The following KAZN variants were observed in gnomAD, a reference collection of about 807,000 sequenced individuals.
KAZN encodes kazrin, periplakin interacting protein.
A neutral mutation model predicts 87.4 loss-of-function variants in KAZN; 40 were observed. That is an observed-to-expected ratio of 0.46 (90% CI 0.36 to 0.60). The LOEUF (loss-of-function observed/expected upper bound fraction) is 0.60, where lower values mean the gene tolerates loss of function less well. KAZN is among the 20% of genes least tolerant of loss of function. The pLI, the probability that KAZN is intolerant of heterozygous loss-of-function variation, is 0.00. For synonymous variants in KAZN, 466 were observed against 458.3 expected, an observed-to-expected ratio of 1.02 and a Z score of -0.22; for missense variants, 898 against 1,073.9, an observed-to-expected ratio of 0.84 and a Z score of 2.29.
chr1:14,802,660 T>G (rs1646076946), intron 1 of KAZN, among the ~76,000 whole-genome samples: 1 of 152,180 alleles, frequency 6.6e-6, no homozygotes, highest in Non-Finnish European at 1.5e-5. Context: ...GGGGGTTGCT[T>G]CCCGGCACCG....
chr1:13,999,834 A>G (rs1639700418), intron 1 of KAZN, among the ~76,000 whole-genome samples: 1 of 152,186 alleles, frequency 6.6e-6, no homozygotes. Flanking sequence ...GAAGAATCAA[A>G]TAGACACAAT....
intron 1 of KAZN, among the ~76,000 whole-genome samples, chr1:14,001,721 TTCG>T (rs1639800514): frequency 6.6e-6 from 1 of 152,178 alleles, no homozygotes; most frequent in South Asian, 2.1e-4. Context: ...CCATCTGATC[TTCG>T]ACAAACCTGA....
rs1647951257 is a variant in KAZN at position 14,841,279 on chromosome 1, CCT to C, written c.227-119404_227-119403del. 3.3e-5 allele frequency among the ~76,000 whole-genome samples: 5 copies of C among 151,832 alleles called. No individual in the cohort carries two copies. In the South Asian group the frequency reaches 1.0e-3, roughly 32 times the overall value. On this transcript the variant is annotated intron_variant, in intron 1 of 14. Transcript: ENST00000376030. Reference sequence around the variant, plus strand: ...AGTTAGCCAGGCGTGGTGGTGGGTGCCTATGGTCCCAGCTACTCGGAGAGGCT... The same window carrying C: ...AGTTAGCCAGGCGTGGTGGTGGGTGCATGGTCCCAGCTACTCGGAGAGGCT...
intron 2 of KAZN, among the ~76,000 whole-genome samples, chr1:14,963,540 A>G (rs1307253460): frequency 6.6e-6 from 1 of 152,098 alleles, no homozygotes; most frequent in African/African-American, 2.4e-5. Context: ...GTGACAGCAG[A>G]CTCAAGTCAG....
intron 2 of KAZN, among the ~76,000 whole-genome samples, chr1:14,403,027 AC>A (rs2101142023): frequency 6.6e-6 from 1 of 152,272 alleles, no homozygotes; most frequent in African/African-American, 2.4e-5. Flanking sequence ...AGGTTTCGCC[AC>A]ATTGGTCAGG....
At chr1:14,571,528 T>G (rs1037624072) in intron 2 of KAZN, among the ~76,000 whole-genome samples, 6 of 152,214 alleles carry the variant, frequency 3.9e-5, no homozygotes, top group African/African-American at 1.4e-4. Flanking sequence ...GTTCCCCATG[T>G]GGGATCAATG....
chr1:14,712,616 A>G (rs1015616595), intron 1 of KAZN, among the ~76,000 whole-genome samples: 6 of 152,192 alleles, frequency 3.9e-5, no homozygotes, highest in Admixed American at 2.6e-4. Flanking sequence ...TGCACACTTC[A>G]TTTCATGAAA....
intron 2 of KAZN, among the ~76,000 whole-genome samples, chr1:14,312,829 A>G (rs1383551651): frequency 1.3e-5 from 2 of 152,086 alleles, no homozygotes; most frequent in African/African-American, 2.4e-5. Flanking sequence ...CCTCTGGCCT[A>G]TAGTCAGCAA....
chr1:14,866,072 CA>C (rs1201301855), intron 1 of KAZN, among the ~76,000 whole-genome samples: 1 of 152,160 alleles, frequency 6.6e-6, no homozygotes, highest in Non-Finnish European at 1.5e-5. Context: ...TTTGTTATAG[CA>C]GCCCTGGGAA....
rs140344476 is a variant in KAZN, at chr1:14,664,891, G to A, written c.226+65668G>A. On this transcript the variant is annotated intron_variant, in intron 1 of 14. Transcript: ENST00000376030. Reference sequence around the variant, plus strand: ...AGGATGGCCTTGATCTCCTGACCTCGTGATCTGCCTGCCTCAGCCTCCCAA... The same window carrying A: ...AGGATGGCCTTGATCTCCTGACCTCATGATCTGCCTGCCTCAGCCTCCCAA... 2.8e-3 allele frequency among the ~76,000 whole-genome samples: 422 copies of A among 152,180 alleles called. 2 individuals are homozygous for A. The highest frequency in any genetic ancestry group is 9.3e-3 in the African/African-American group (386 of 41,534).
chr1:15,034,363 G>T (rs2100211111), intron 2 of KAZN, among the ~76,000 whole-genome samples: 1 of 152,340 alleles, frequency 6.6e-6, no homozygotes, highest in South Asian at 2.1e-4. Flanking sequence ...TGGACTCAGG[G>T]TGGCCCAGGG....
intron 2 of KAZN, among the ~76,000 whole-genome samples, chr1:14,186,255 A>G (rs1646304428): frequency 6.6e-6 from 1 of 152,186 alleles, no homozygotes; most frequent in African/African-American, 2.4e-5. Flanking sequence ...TGGTCTAATA[A>G]GTGATGGTTC....
chr1:15,045,984 C>G (rs1210965216), intron 4 of KAZN, among the ~76,000 whole-genome samples: 1 of 152,156 alleles, frequency 6.6e-6, no homozygotes, highest in Non-Finnish European at 1.5e-5. Flanking sequence ...ATAAAGTAAG[C>G]TAGAGCAAAG....
chr1:14,869,325 A>G (rs1376812836), intron 1 of KAZN, among the ~76,000 whole-genome samples: 1 of 152,052 alleles, frequency 6.6e-6, no homozygotes, highest in Non-Finnish European at 1.5e-5. Context: ...CTGTGTGAGC[A>G]CAATTCAGGG....
intron 14 of KAZN, chr1:15,113,433 A>T (rs902888017): frequency 6.6e-6 from 1 of 152,148 alleles, no homozygotes; most frequent in Non-Finnish European, 1.5e-5. Context: ...CTCCTTAGGG[A>T]GCAATAATAA....
At chr1:14,537,332 T>TA (rs1242724355) in intron 2 of KAZN, among the ~76,000 whole-genome samples, 1 of 152,252 alleles carries the variant, frequency 6.6e-6, no homozygotes, top group East Asian at 1.9e-4. Context: ...TCCAATACTG[T>TA]AGCCACTACC....
intron 2 of KAZN, among the ~76,000 whole-genome samples, chr1:15,012,387 G>C (rs1669659664): frequency 6.6e-6 from 1 of 152,144 alleles, no homozygotes; most frequent in African/African-American, 2.4e-5. Context: ...AAAAGACCCA[G>C]TTAAGCCCAA....
intron 2 of KAZN, among the ~76,000 whole-genome samples, chr1:14,276,061 C>CA (rs1347897275): frequency 6.6e-6 from 1 of 152,060 alleles, no homozygotes; most frequent in Non-Finnish European, 1.5e-5. Context: ...CCCATGAGGC[C>CA]AAGGCTGCCC....
At chr1:14,023,308 C>T (rs1206262713) in intron 1 of KAZN, among the ~76,000 whole-genome samples, 2 of 152,086 alleles carry the variant, frequency 1.3e-5, no homozygotes, top group East Asian at 1.9e-4. Flanking sequence ...GGTGACACAG[C>T]GAGACCTTGT....
Sources: allele counts gnomAD v4.1 joint callset (sites outside exome capture counted in the v4.1 genomes callset), GRCh38; gene constraint gnomAD v4.1.1; transcripts MANE v1.5; gene names NCBI Gene and HGNC (gene_info 2026-07-23, HGNC 2026-07-21).